Variants in FAM120B observed in about 807,000 individuals in gnomAD.
FAM120B encodes the protein family with sequence similarity 120 member B.
In FAM120B, 83 loss-of-function variants were observed where a neutral mutation model predicts 96.3. The ratio of observed to expected loss-of-function variants is 0.86; its 90% CI spans 0.72 to 1.03. FAM120B has a LOEUF of 1.03. Among genes scored for constraint, FAM120B ranks in the 50% least tolerant of loss-of-function variants. FAM120B has a pLI of 0.00. For synonymous variants in FAM120B, 407 were observed against 402.7 expected (o/e 1.01, Z -0.13); for missense variants, 1,027 against 1,121.2 (o/e 0.92, Z 1.20).
At chr6:170,397,819 G>A (rs935297137) in intron 9 of FAM120B, among the ~76,000 whole-genome samples, 2 of 152,192 alleles carry the variant, frequency 1.3e-5, no homozygotes, top group Non-Finnish European at 2.9e-5. Flanking sequence ...GGCCCCTCTA[G>A]GTGAGGATTC....
intron 5 of FAM120B, among the ~76,000 whole-genome samples, chr6:170,357,601 G>A (rs1425219375): frequency 6.6e-6 from 1 of 152,216 alleles, no homozygotes; most frequent in African/African-American, 2.4e-5. Context: ...AAAAGTGGAT[G>A]ATGACCCCAG....
intron 9 of FAM120B, among the ~76,000 whole-genome samples, chr6:170,402,741 G>A (rs1371130138): frequency 2.6e-5 from 4 of 152,192 alleles, no homozygotes; most frequent in South Asian, 2.1e-4. Flanking sequence ...GGAATGATTT[G>A]GAACTCGAAG....
upstream of FAM120B, among the ~76,000 whole-genome samples, chr6:170,303,200 T>C (rs1784177655): frequency 6.6e-6 from 1 of 152,222 alleles, no homozygotes; most frequent in Admixed American, 6.5e-5. Flanking sequence ...TTATCTCTTA[T>C]ATATTTCTTT....
chr6:170,364,968 A>G (rs994603652), intron 6 of FAM120B, among the ~76,000 whole-genome samples: 1 of 152,194 alleles, frequency 6.6e-6, no homozygotes, highest in African/African-American at 2.4e-5. Context: ...GATTCACTGG[A>G]TTGACTTCTG....
chr6:170,395,421 C>T (rs1389864097), intron 8 of FAM120B, 66 bp from the exon 9 acceptor site: 3 of 1,275,462 alleles, frequency 2.4e-6, no homozygotes, highest in Non-Finnish European at 3.3e-6. Context: ...CCACCCTTTA[C>T]ATGCTGTGTC....
At chr6:170,344,877 C>T (rs1308919656) in intron 4 of FAM120B, among the ~76,000 whole-genome samples, 6 of 152,198 alleles carry the variant, frequency 3.9e-5, no homozygotes, top group Admixed American at 3.9e-4. Context: ...CCTGAACTTC[C>T]CCTTTTCTTC....
rs201594993 is a variant in FAM120B, at chr6:170,348,273, G to A, written c.2140G>A (p.Glu714Lys). ...SSSREELQAV[E>K]SPFQALCCLL... The stretch of plus-strand genomic sequence containing the variant: ...CTCAAGAGAAGAGCTGCAGGCTGTC[G>A]AAAGCCCATTTCAAGCTTTGTGCTG... Residue 714 changes from glutamate to lysine, a missense_variant, in exon 5 of 11, where the codon GAA becomes AAA. Glu to Lys is a moderately conservative substitution (Grantham distance 56). Coordinates refer to ENST00000476287, the MANE Select transcript of FAM120B (RefSeq NM_032448.3). 19 of 1,613,828 alleles carry A rather than the reference G, an allele frequency of 1.2e-5. No individual in the cohort carries two copies. Among genetic ancestry groups the A allele is most frequent in the Non-Finnish European group, 1.5e-5 (18 of 1,179,914 alleles).
chr6:170,392,093 C>T (rs1790509579), intron 8 of FAM120B, among the ~76,000 whole-genome samples: 4 of 152,180 alleles, frequency 2.6e-5, no homozygotes, highest in Admixed American at 2.6e-4. Flanking sequence ...TCTGTGGAAT[C>T]ATAGATTGAA....
chr6:170,373,206 A>G (rs1377565559), intron 6 of FAM120B, among the ~76,000 whole-genome samples: 2 of 152,230 alleles, frequency 1.3e-5, no homozygotes, highest in Non-Finnish European at 2.9e-5. Context: ...TGGCCTCAGC[A>G]GGAAGAGCTC....
chr6:170,393,148 C>CAAAA (rs66472378), intron 8 of FAM120B, among the ~76,000 whole-genome samples: 16 of 119,728 alleles, frequency 1.3e-4, no homozygotes, highest in Non-Finnish European at 1.6e-4. Flanking sequence ...CCTGTCTTTA[C>CAAAA]AAAAAAAAAA....
intron 6 of FAM120B, among the ~76,000 whole-genome samples, chr6:170,375,867 G>A (rs2115266354): frequency 6.6e-6 from 1 of 152,312 alleles, no homozygotes. Flanking sequence ...GATCGATAAA[G>A]GGTGGGTAGG....
intron 4 of FAM120B, 78 bp from the exon 5 acceptor site, chr6:170,348,073 T>C (rs1787313583): frequency 1.7e-6 from 2 of 1,148,744 alleles, no homozygotes; most frequent in East Asian, 2.4e-5. Flanking sequence ...TGTTTCCTTT[T>C]ACTGTATTTC....
At chr6:170,352,453 A>G (rs1188819018) in intron 5 of FAM120B, among the ~76,000 whole-genome samples, 1 of 152,202 alleles carries the variant, frequency 6.6e-6, no homozygotes, top group East Asian at 1.9e-4. Flanking sequence ...AGAATTCTCC[A>G]CCCAAATTCA....
intron 1 of FAM120B, among the ~76,000 whole-genome samples, chr6:170,296,801 G>T (rs758453133): frequency 6.6e-6 from 1 of 152,140 alleles, no homozygotes; most frequent in East Asian, 1.9e-4. Flanking sequence ...GGCCCCCTGC[G>T]GCCGCCACCC....
At chr6:170,360,377 T>C (rs1788267907) in intron 6 of FAM120B, among the ~76,000 whole-genome samples, 1 of 152,190 alleles carries the variant, frequency 6.6e-6, no homozygotes, top group Non-Finnish European at 1.5e-5. Context: ...CCACACCCCG[T>C]GGATGTGCAC....
At chr6:170,308,260 A>G (rs1784397704) in intron 1 of FAM120B, among the ~76,000 whole-genome samples, 1 of 152,120 alleles carries the variant, frequency 6.6e-6, no homozygotes, top group South Asian at 2.1e-4. Flanking sequence ...CCTTCTTACC[A>G]GTTGTATTCT....
At chr6:170,383,263 T>C (rs184457475) in intron 6 of FAM120B, among the ~76,000 whole-genome samples, 1 of 152,298 alleles carries the variant, frequency 6.6e-6, no homozygotes, top group Admixed American at 6.5e-5. Context: ...TTAGACTTCA[T>C]ACCAAAAGCA....
At chr6:170,341,123 G>C (rs1786795342) in intron 4 of FAM120B, among the ~76,000 whole-genome samples, 1 of 152,176 alleles carries the variant, frequency 6.6e-6, no homozygotes, top group African/African-American at 2.4e-5. Flanking sequence ...CCTTCCCCCA[G>C]GTGCTCTGTC....
chr6:170,337,767 ATG>A (rs1222645746), intron 4 of FAM120B, among the ~76,000 whole-genome samples: 3 of 152,190 alleles, frequency 2.0e-5, no homozygotes, highest in Admixed American at 2.0e-4. Flanking sequence ...TGGAAGGTGT[ATG>A]TGTCCAGGAA....
Sources: gnomAD v4.1 joint callset for allele counts (sites outside exome capture counted in the v4.1 genomes callset) on GRCh38, gnomAD v4.1.1 for gene constraint, MANE v1.5 for transcripts, NCBI Gene and HGNC (gene_info 2026-07-23, HGNC 2026-07-21) for gene names.